Variants in SLC35F1 observed in about 807,000 individuals in gnomAD.
The protein encoded by SLC35F1 is chromosome 6 open reading frame 169.
A neutral mutation model predicts 48.7 loss-of-function variants in SLC35F1; 14 were observed. That is an observed-to-expected ratio of 0.29 (90% CI 0.19 to 0.45). The LOEUF (loss-of-function observed/expected upper bound fraction) is 0.45. SLC35F1 is among the 20% of genes least tolerant of loss of function. The pLI, the probability that SLC35F1 is intolerant of heterozygous loss-of-function variation, is 1.00. For missense variants in SLC35F1, 404 were observed against 500.0 expected (o/e 0.81, Z 1.83); for synonymous variants, 190 against 202.2 (o/e 0.94, Z 0.51).
intron 3 of SLC35F1, among the ~76,000 whole-genome samples, chr6:118,259,743 G>C (rs1173025378): frequency 6.6e-6 from 1 of 151,512 alleles, no homozygotes; most frequent in Non-Finnish European, 1.5e-5. Context: ...ATAGGATAAA[G>C]AGAAACTAGA....
intron 1 of SLC35F1, among the ~76,000 whole-genome samples, chr6:118,019,012 T>C (rs1225012085): frequency 1.3e-5 from 2 of 152,144 alleles, no homozygotes; most frequent in South Asian, 4.1e-4. Flanking sequence ...AATGGGTCAG[T>C]TCAAACAAGA....
In SLC35F1 at chr6:118,099,022, G is replaced by A. The variant is rs548728012; in HGVS notation, c.174-55423G>A. On this transcript the variant is annotated intron_variant, in intron 1 of 7. Transcript: ENST00000360388. The stretch of plus-strand genomic sequence containing the variant: ...AGTGTTGGATGGGCCGTAGATCCAA[G>A]GGAGAAAGTTGCATTAGGAAATGTG... Among the ~76,000 whole-genome samples the A allele has an allele frequency of 2.0e-4, 30 of 152,272 alleles. 1 individual carries two copies. The East Asian group carries it at 5.8e-3, about 29-fold the overall frequency.
At chr6:118,128,398 C>G (rs1421687838) in intron 1 of SLC35F1, among the ~76,000 whole-genome samples, 2 of 149,008 alleles carry the variant, frequency 1.3e-5, no homozygotes, top group African/African-American at 4.9e-5. Flanking sequence ...ATAGCAAAGA[C>G]TTGGAACCAA....
chr6:118,309,169 ATGTGTGTGTGTG>A lies in SLC35F1; in HGVS notation c.1003-4836_1003-4825del, dbSNP rs57832608. Reference sequence around the variant, plus strand: ...TCAGGTCACCAGAAGGGGCCTGTAGATGTGTGTGTGTGTGTGTGTGTGTGTGTGTGTGTGCGT... The same window carrying A: ...TCAGGTCACCAGAAGGGGCCTGTAGATGTGTGTGTGTGTGTGTGTGTGCGT... On this transcript the variant is annotated intron_variant, in intron 7 of 7. Transcript: ENST00000360388. 5.0e-3 allele frequency among the ~76,000 whole-genome samples: 744 copies of A among 148,016 alleles called. 6 individuals carry two copies. The highest frequency in any genetic ancestry group is 0.016 in the African/African-American group (644 of 40,316).
intron 6 of SLC35F1, among the ~76,000 whole-genome samples, chr6:118,280,483 T>C (rs1003634671): frequency 1.3e-5 from 2 of 152,140 alleles, no homozygotes; most frequent in African/African-American, 4.8e-5. Flanking sequence ...TTGGTTTTAG[T>C]GTTTTTCCTG....
In SLC35F1 at chr6:118,277,424, A is replaced by G. The variant is rs192493187; in HGVS notation, c.795-70A>G. On this transcript the variant is annotated intron_variant, in intron 5 of 7. Transcript: ENST00000360388. ...TGTATACATCTGATAAGTGGGGGGGAAAAAAGAAAGAAAGAAAGTAGAGTG... is the reference window on the plus strand; with the variant it reads ...TGTATACATCTGATAAGTGGGGGGGGAAAAAGAAAGAAAGAAAGTAGAGTG... 5.1e-4 allele frequency: 694 copies of G among 1,367,302 alleles called. 2 individuals carry two copies. The highest frequency in any genetic ancestry group is 2.2e-3 in the East Asian group (95 of 43,394). The allele number at this position is 1,367,302 out of a possible 1,614,324, so 84.7% of individuals were successfully genotyped here.
rs75903184 is a variant in SLC35F1, at chr6:117,923,514, C to CAT, written c.173+15616_173+15617dup. ...TATATAAAATATATATATACACATA[C>CAT]ATGTGTATATACACATATATGGAAT... On this transcript the variant is annotated intron_variant, in intron 1 of 7. Coordinates refer to ENST00000360388, the MANE Select transcript of SLC35F1 (RefSeq NM_001029858.4). Among the ~76,000 whole-genome samples, 19 of 143,820 alleles carry CAT rather than the reference C, an allele frequency of 1.3e-4. 1 individual carries two copies. The highest frequency in any genetic ancestry group is 7.0e-4 in the Admixed American group (10 of 14,212). The allele number at this position is 143,820 out of a possible 152,430, so 94.4% of individuals were successfully genotyped here.
chr6:118,137,276 G>A (rs1773810925), intron 1 of SLC35F1, among the ~76,000 whole-genome samples: 1 of 152,208 alleles, frequency 6.6e-6, no homozygotes, highest in Non-Finnish European at 1.5e-5. Context: ...TAGGAAAAGA[G>A]GAGTTGTTAA....
chr6:118,089,497 A>G (rs554689744), intron 1 of SLC35F1, among the ~76,000 whole-genome samples: 1 of 152,266 alleles, frequency 6.6e-6, no homozygotes, highest in Non-Finnish European at 1.5e-5. Flanking sequence ...AATACTATTA[A>G]TTTCTATTTC....
At chr6:118,112,577 T>C (rs1225519685) in intron 1 of SLC35F1, among the ~76,000 whole-genome samples, 2 of 152,156 alleles carry the variant, frequency 1.3e-5, no homozygotes, top group African/African-American at 4.8e-5. Context: ...GAACCCTCTT[T>C]TGAGGTCTGC....
At chr6:118,045,024 C>T (rs963208516) in intron 1 of SLC35F1, among the ~76,000 whole-genome samples, 1 of 152,160 alleles carries the variant, frequency 6.6e-6, no homozygotes, top group South Asian at 2.1e-4. Flanking sequence ...CAAATGAAGT[C>T]TTACATATAC....
At chr6:118,303,122 G>A (rs1035148121) in intron 7 of SLC35F1, among the ~76,000 whole-genome samples, 1 of 152,068 alleles carries the variant, frequency 6.6e-6, no homozygotes, top group African/African-American at 2.4e-5. Flanking sequence ...GAAAGAGAAA[G>A]AAATATAGAA....
chr6:117,994,680 T>C (rs1165400168), intron 1 of SLC35F1, among the ~76,000 whole-genome samples: 2 of 152,240 alleles, frequency 1.3e-5, no homozygotes, highest in African/African-American at 4.8e-5. Context: ...CCAAAGGTAC[T>C]ATGCTTCATC....
intron 3 of SLC35F1, among the ~76,000 whole-genome samples, chr6:118,238,765 A>G (rs1189952168): frequency 6.6e-6 from 1 of 152,138 alleles, no homozygotes; most frequent in Admixed American, 6.5e-5. Context: ...AGGCCACACT[A>G]ATGGCCAAGG....
At position 118,130,485 on chromosome 6, in the gene SLC35F1, A is replaced by T. The variant is rs561226239; in HGVS notation, c.174-23960A>T. Among the ~76,000 whole-genome samples, 5 of 152,284 alleles carry T rather than the reference A, an allele frequency of 3.3e-5. No individual in the cohort carries two copies. The East Asian group carries it at 7.7e-4, about 24-fold the overall frequency. Reference sequence around the variant, plus strand: ...GACTCCATCTCAAACAAACAAAACAAACGAACAAACAAACAACAATAACAA... The same window carrying T: ...GACTCCATCTCAAACAAACAAAACATACGAACAAACAAACAACAATAACAA... On this transcript the variant is annotated intron_variant, in intron 1 of 7. Coordinates refer to ENST00000360388, the MANE Select transcript of SLC35F1 (RefSeq NM_001029858.4).
In SLC35F1 at chr6:118,275,442, G is replaced by A. The variant is rs1775908275; in HGVS notation, c.638-17G>A. 2 of 1,599,936 alleles carry A rather than the reference G, an allele frequency of 1.3e-6. No homozygotes were observed. Among genetic ancestry groups the A allele is most frequent in the Non-Finnish European group, 1.7e-6 (2 of 1,173,906 alleles). ...TTAATGATGCTCCCTCTGTTTGTTT[G>A]TTTGGTTGGTTCCTAGGGGAAAATA... On this transcript the variant is annotated splice_polypyrimidine_tract_variant and intron_variant, in intron 4 of 7. Coordinates refer to ENST00000360388, the MANE Select transcript of SLC35F1 (RefSeq NM_001029858.4).
chr6:118,208,890 T>C (rs1774969712), intron 2 of SLC35F1, among the ~76,000 whole-genome samples: 1 of 152,122 alleles, frequency 6.6e-6, no homozygotes, highest in Admixed American at 6.6e-5. Flanking sequence ...CCCCTGTTTT[T>C]CCCCTAAGCA....
At chr6:117,982,692 A>G (rs1309114396) in intron 1 of SLC35F1, among the ~76,000 whole-genome samples, 1 of 152,220 alleles carries the variant, frequency 6.6e-6, no homozygotes, top group Non-Finnish European at 1.5e-5. Context: ...TTGTATGAAC[A>G]TTATCAGTGA....
chr6:118,112,952 G>T (rs1379744631), intron 1 of SLC35F1, among the ~76,000 whole-genome samples: 1 of 151,970 alleles, frequency 6.6e-6, no homozygotes, highest in Admixed American at 6.6e-5. Flanking sequence ...TAAAAAACTA[G>T]TCCCATCTAC....
Sources: gnomAD v4.1 joint callset for allele counts (sites outside exome capture counted in the v4.1 genomes callset) on GRCh38, gnomAD v4.1.1 for gene constraint, MANE v1.5 for transcripts, NCBI Gene and HGNC (gene_info 2026-07-23, HGNC 2026-07-21) for gene names.